The following NCLN variants were observed in gnomAD, a reference collection of about 807,000 sequenced individuals.
NCLN encodes the protein BOS complex subunit NCLN.
NCLN carries 34 observed loss-of-function variants against 69.5 expected under a neutral mutation model. That is an observed-to-expected ratio of 0.49 (90% CI 0.37 to 0.65). NCLN has a LOEUF of 0.65. Ranked by LOEUF, NCLN falls within the 30% of genes least tolerant of loss-of-function variation. The pLI is 0.00. For missense variants in NCLN, 710 were observed against 804.8 expected (o/e 0.88, Z 1.42); for synonymous variants, 393 against 358.3 (o/e 1.10, Z -1.09).
chr19:3,199,860 C>T (rs1916079216), intron 5 of NCLN, among the ~76,000 whole-genome samples: 1 of 151,958 alleles, frequency 6.6e-6, no homozygotes, highest in Non-Finnish European at 1.5e-5. Context: ...GCCACCACAC[C>T]TGGCTAATTT....
chr19:3,198,432 G>A lies in NCLN; in HGVS notation c.616-385G>A, dbSNP rs192636218. Among the ~76,000 whole-genome samples the A allele has an allele frequency of 1.6e-3, 245 of 151,590 alleles. 1 individual carries two copies. The highest frequency in any genetic ancestry group is 5.5e-3 in the African/African-American group (225 of 41,278). On this transcript the variant is annotated intron_variant, in intron 4 of 14. Transcript: ENST00000246117. ...CGAGGCAGGAGAATGGCGTGAACCC[G>A]GGAGGTGGAGCTTGCAGTGAGCCGA...
rs769674348 is a variant in NCLN, at chr19:3,205,935, G to A, written c.1209-4G>A. ...TTTTAAAACATTGTTTTTGAATCGTGAAGGTCCCGGGTGGATTCTAAGACC... is the reference window on the plus strand; with the variant it reads ...TTTTAAAACATTGTTTTTGAATCGTAAAGGTCCCGGGTGGATTCTAAGACC... On this transcript the variant is annotated splice_region_variant and splice_polypyrimidine_tract_variant and intron_variant, in intron 9 of 14. Coordinates refer to ENST00000246117, the MANE Select transcript of NCLN (RefSeq NM_020170.4). The surrounding 1 kb of genome is among the most constrained non-coding windows in gnomAD (Gnocchi z 4.6). The A allele has an allele frequency of 1.9e-6, 3 of 1,613,486 alleles. No homozygotes were observed. Among genetic ancestry groups the A allele is most frequent in the Non-Finnish European group, 2.5e-6 (3 of 1,179,880 alleles).
chr19:3,193,548 G>T, intron 3 of NCLN, 120 bp downstream of exon 3: 1 of 1,238,818 alleles, frequency 8.1e-7, no homozygotes, highest in Non-Finnish European at 1.1e-6. Context: ...CCCTTCGCCG[G>T]GGTTAACAGT....
chr19:3,191,393 G>A (rs113654472), intron 1 of NCLN, among the ~76,000 whole-genome samples: 1,754 of 152,234 alleles, frequency 0.012, 41 homozygotes, highest in African/African-American at 0.04. Flanking sequence ...AGCGACGGCC[G>A]TGGCCTTCCA....
chr19:3,189,203 C>A (rs756571494), intron 1 of NCLN, among the ~76,000 whole-genome samples: 5 of 152,162 alleles, frequency 3.3e-5, no homozygotes, highest in Non-Finnish European at 7.4e-5. Context: ...TTTCTCGGCT[C>A]GGTGGCCGTT....
In NCLN at chr19:3,208,467, C is replaced by T. The variant is rs2144924020; in HGVS notation, c.*779C>T. On this transcript the variant is annotated 3_prime_UTR_variant, in exon 15 of 15. Transcript: ENST00000246117. ...TTCTCCCAGCCCATCCCTCCGGCCC[C>T]TGTGCCTCTGCGGCCCCAGCCCAGC... 6.5e-6 allele frequency: 1 copy of T among 153,022 alleles called. No individual in the cohort carries two copies. Among genetic ancestry groups the T allele is most frequent in the South Asian group, 2.1e-4 (1 of 4,848 alleles). The allele number at this position is 153,022 out of a possible 1,614,324, so 9.5% of individuals were successfully genotyped here.
chr19:3,192,278 T>A (rs1399930674), intron 1 of NCLN, among the ~76,000 whole-genome samples, 192 bp from the exon 2 acceptor site: 2 of 134,916 alleles, frequency 1.5e-5, no homozygotes. Flanking sequence ...CCGGCACGCG[T>A]TCATGGCCCC....
Position 3,205,907 on chromosome 19 carries a change from A to C in NCLN, c.1209-32A>C, listed in dbSNP as rs753095742. The C allele has an allele frequency of 3.3e-5, 53 of 1,609,578 alleles. No homozygotes were observed. Among genetic ancestry groups the C allele is most frequent in the Non-Finnish European group, 4.3e-5 (51 of 1,176,756 alleles). The stretch of plus-strand genomic sequence containing the variant: ...AGCTACCTTGCCTGGCCCAAAGTCC[A>C]CATTTTAAAACATTGTTTTTGAATC... On this transcript the variant is annotated intron_variant, in intron 9 of 14. Coordinates refer to ENST00000246117, the MANE Select transcript of NCLN (RefSeq NM_020170.4). The surrounding 1 kb of genome is among the most constrained non-coding windows in gnomAD (Gnocchi z 4.6).
intron 1 of NCLN, among the ~76,000 whole-genome samples, chr19:3,188,795 C>A (rs1036480893): frequency 3.3e-5 from 5 of 152,272 alleles, no homozygotes; most frequent in Non-Finnish European, 5.9e-5. Context: ...AGCCTCCATG[C>A]TCCTCATCTG....
Position 3,204,599 on chromosome 19 carries a change from A to C in NCLN, c.1056A>C (p.Val352=), listed in dbSNP as rs749362062. 1.0e-5 allele frequency: 16 copies of C among 1,570,964 alleles called. No homozygotes were observed. The Middle Eastern group carries it at 5.1e-4, about 50-fold the overall frequency. ...ETVAAHQFPE[V]RFSMVHKRIN... Reference sequence around the variant, plus strand: ...TGGCCGCGCACCAGTTCCCTGAGGTACGGTTCTCCATGGTGCACAAGCGGA... The same window carrying C: ...TGGCCGCGCACCAGTTCCCTGAGGTCCGGTTCTCCATGGTGCACAAGCGGA... The change falls in exon 9 of 15, where the codon GTA becomes GTC. Residue 352 remains valine, a synonymous_variant. Transcript: ENST00000246117.
rs1243445079 is a variant in NCLN at position 3,203,762 on chromosome 19, C to T, written c.807C>T (p.Asn269=). ...ACTGGGTCTTCCCTCCCAGCTACAA[C>T]CTCCTGTTCTTTGCGTCTGGAGGAG... ...YTYKRTHAAY[N]LLFFASGGGK... The change falls in exon 7 of 15, where the codon AAC becomes AAT. Residue 269 remains asparagine (N), a synonymous_variant. Coordinates refer to ENST00000246117, the MANE Select transcript of NCLN (RefSeq NM_020170.4). The T allele has an allele frequency of 1.9e-6, 3 of 1,611,956 alleles. No individual in the cohort carries two copies. Among genetic ancestry groups the T allele is most frequent in the Admixed American group, 1.7e-5 (1 of 59,712 alleles).
chr19:3,197,064 C>T (rs1409143201), intron 4 of NCLN, among the ~76,000 whole-genome samples: 3 of 152,226 alleles, frequency 2.0e-5, no homozygotes, highest in South Asian at 2.1e-4. Context: ...CAGGCCTTGG[C>T]GGAGGAGCCC....
intron 3 of NCLN, among the ~76,000 whole-genome samples, chr19:3,195,549 G>A (rs961119690): frequency 2.6e-5 from 4 of 152,036 alleles, no homozygotes; most frequent in African/African-American, 7.2e-5. Context: ...GCGCCCGGCC[G>A]ATCATATCTT....
Position 3,198,925 on chromosome 19 carries a change from A to C in NCLN, c.696+28A>C, listed in dbSNP as rs772761460. On this transcript the variant is annotated intron_variant, in intron 5 of 14. Transcript: ENST00000246117. ...ACGTATGTGTGTCCCCATTCCCCCCACCCCACAGGGCTTGGATTCTGGCTC... is the reference window on the plus strand; with the variant it reads ...ACGTATGTGTGTCCCCATTCCCCCCCCCCCACAGGGCTTGGATTCTGGCTC... 5 of 1,396,352 alleles carry C rather than the reference A, an allele frequency of 3.6e-6. No individual in the cohort carries two copies. In the African/African-American group the frequency reaches 4.5e-5, roughly 12 times the overall value. The allele number at this position is 1,396,352 out of a possible 1,614,324, so 86.5% of individuals were successfully genotyped here. A position where few individuals can be genotyped will look rare whatever the true frequency, so the allele number is the denominator to read the frequency against.
intron 1 of NCLN, among the ~76,000 whole-genome samples, chr19:3,188,886 CT>C (rs1219392406): frequency 1.7e-4 from 26 of 152,362 alleles, no homozygotes; most frequent in Non-Finnish European, 2.9e-5. Context: ...CTGGCCGCCC[CT>C]GAGAGACTGG....
chr19:3,196,354 G>A (rs1007158378), intron 4 of NCLN, 77 bp downstream of exon 4: 9 of 1,082,934 alleles, frequency 8.3e-6, no homozygotes, highest in Admixed American at 2.6e-5. Flanking sequence ...CGGCTCGGCC[G>A]TACTAGAGGG....
At chr19:3,203,135 C>G (rs1402887830) in intron 6 of NCLN, among the ~76,000 whole-genome samples, 2 of 151,944 alleles carry the variant, frequency 1.3e-5, no homozygotes, top group Non-Finnish European at 2.9e-5. Flanking sequence ...GTGTTGAAAC[C>G]CTGTCTCTAC....
At chr19:3,190,935 C>T (rs904463549) in intron 1 of NCLN, among the ~76,000 whole-genome samples, 14 of 152,126 alleles carry the variant, frequency 9.2e-5, no homozygotes, top group Admixed American at 6.5e-4. Context: ...CCCAGCTGAA[C>T]GTGGGTGGCC....
At chr19:3,187,322 T>G (rs1175253631) in intron 1 of NCLN, among the ~76,000 whole-genome samples, 1 of 152,218 alleles carries the variant, frequency 6.6e-6, no homozygotes, top group East Asian at 1.9e-4. Flanking sequence ...TTTCTTCTTT[T>G]CAGCCTGGCC....
Sources: allele counts gnomAD v4.1 joint callset (sites outside exome capture counted in the v4.1 genomes callset), GRCh38; gene constraint gnomAD v4.1.1; non-coding constraint Gnocchi (gnomAD v3.1); transcripts MANE v1.5; gene names NCBI Gene and HGNC (gene_info 2026-07-23, HGNC 2026-07-21).